The following SLC27A1 variants were observed in gnomAD, a reference collection of about 807,000 sequenced individuals.
SLC27A1 encodes the protein long-chain fatty acid transport protein 1.
In SLC27A1, 61 loss-of-function variants were observed where a neutral mutation model predicts 62.2. The ratio of observed to expected loss-of-function variants is 0.98; its 90% CI spans 0.80 to 1.21. The LOEUF (loss-of-function observed/expected upper bound fraction) is 1.21. SLC27A1 is among the 50% of genes most tolerant of loss of function. SLC27A1 has a pLI of 0.00. For synonymous variants in SLC27A1, 435 were observed against 408.6 expected, an observed-to-expected ratio of 1.06 and a Z score of -0.78; for missense variants, 903 against 932.1, an observed-to-expected ratio of 0.97 and a Z score of 0.41.
At chr19:17,484,870 TG>T (rs1423551836) in intron 1 of SLC27A1, among the ~76,000 whole-genome samples, 1 of 152,026 alleles carries the variant, frequency 6.6e-6, no homozygotes, top group Non-Finnish European at 1.5e-5. Flanking sequence ...ATCCAAAGGA[TG>T]GATTTGGTGA....
chr19:17,497,510 G>T (rs2075363455), intron 7 of SLC27A1, 46 bp downstream of exon 7: 1 of 1,513,890 alleles, frequency 6.6e-7, no homozygotes, highest in Non-Finnish European at 9.0e-7. Flanking sequence ...GTTCAGGGAA[G>T]ACCACTGTCT....
Position 17,487,168 on chromosome 19 carries a change from C to T in SLC27A1, c.563-6C>T, listed in dbSNP as rs763369343. 11 of 1,613,960 alleles carry T rather than the reference C, an allele frequency of 6.8e-6. No homozygotes were observed. The highest frequency in any genetic ancestry group is 8.5e-6 in the Non-Finnish European group (10 of 1,179,980). ...GTGACCATGACCCATGTGTTGGGGA[C>T]CACAGCGGTGGCCGAAGTGAGCGGG... On this transcript the variant is annotated splice_polypyrimidine_tract_variant and splice_region_variant and intron_variant, in intron 2 of 11. Coordinates refer to ENST00000252595, the MANE Select transcript of SLC27A1 (RefSeq NM_198580.3).
intron 10 of SLC27A1, 119 bp downstream of exon 10, chr19:17,500,995 GC>G: frequency 8.2e-7 from 1 of 1,219,864 alleles, no homozygotes; most frequent in Non-Finnish European, 1.1e-6. Flanking sequence ...GCTCATGGCA[GC>G]CCAGGAGGAA....
chr19:17,492,056 G>A (rs1454587909), intron 6 of SLC27A1, among the ~76,000 whole-genome samples: 1 of 152,064 alleles, frequency 6.6e-6, no homozygotes, highest in African/African-American at 2.4e-5. Context: ...GACGTGTCCT[G>A]TGCATTGTAG....
chr19:17,493,352 C>A (rs1285342825), intron 6 of SLC27A1, among the ~76,000 whole-genome samples: 1 of 129,608 alleles, frequency 7.7e-6, no homozygotes, highest in Non-Finnish European at 1.6e-5. Flanking sequence ...CGTTTGAACC[C>A]GGGAAGTGGA....
At chr19:17,488,728 T>TGAACTCATGC (rs1362899196) in intron 4 of SLC27A1, 120 bp from the exon 5 acceptor site, 3 of 796,854 alleles carry the variant, frequency 3.8e-6, no homozygotes, top group Non-Finnish European at 6.2e-6. Context: ...TGCCAGCCTG[T>TGAACTCATGC]GAACTCATGC....
chr19:17,481,429 G>A (rs1486522717), intron 1 of SLC27A1, among the ~76,000 whole-genome samples: 1 of 149,360 alleles, frequency 6.7e-6, no homozygotes, highest in Non-Finnish European at 1.5e-5. Flanking sequence ...TGATTCTCCT[G>A]CCTCAGCCTC....
chr19:17,474,467 C>T (rs867523549), intron 1 of SLC27A1, among the ~76,000 whole-genome samples: 12 of 152,062 alleles, frequency 7.9e-5, no homozygotes, highest in African/African-American at 2.9e-4. Flanking sequence ...TCCCATGGGC[C>T]CTGTGGGTGT....
intron 1 of SLC27A1, among the ~76,000 whole-genome samples, chr19:17,485,581 A>G (rs1379815334): frequency 6.6e-6 from 1 of 151,744 alleles, no homozygotes; most frequent in Non-Finnish European, 1.5e-5. Context: ...TGTAATTCCA[A>G]TACTTTGGGA....
Position 17,488,146 on chromosome 19 carries a change from G to A in SLC27A1, c.794+617G>A, listed in dbSNP as rs575025595. 2.0e-3 allele frequency among the ~76,000 whole-genome samples: 299 copies of A among 152,258 alleles called. 1 individual carries two copies. The highest frequency in any genetic ancestry group is 6.9e-3 in the African/African-American group (285 of 41,556). On this transcript the variant is annotated intron_variant, in intron 4 of 11. Coordinates refer to ENST00000252595, the MANE Select transcript of SLC27A1 (RefSeq NM_198580.3). ...GGCTGAGGCAGGCGGGTCACTTGAC[G>A]TCAGGAGTTCGAGACCGTCCTGGCC...
In SLC27A1 at chr19:17,505,077, A is replaced by G. The variant is rs548505089; in HGVS notation, c.*465A>G. The G allele has an allele frequency of 2.2e-5, 8 of 357,996 alleles. No homozygotes were observed. Among genetic ancestry groups the G allele is most frequent in the African/African-American group, 1.5e-4 (7 of 46,788 alleles). The allele number at this position is 357,996 out of a possible 1,614,324, so 22.2% of individuals were successfully genotyped here. A position where few individuals can be genotyped will look rare whatever the true frequency, so the allele number is the denominator to read the frequency against. On this transcript the variant is annotated 3_prime_UTR_variant, in exon 12 of 12. Coordinates refer to ENST00000252595, the MANE Select transcript of SLC27A1 (RefSeq NM_198580.3). ...TCCAGCTAATTTTTATATTTTTAGT[A>G]GAGACGGGGTTTCACCATGTTGGTC...
chr19:17,479,487 C>A (rs1568411622), intron 1 of SLC27A1, among the ~76,000 whole-genome samples: 1 of 152,196 alleles, frequency 6.6e-6, no homozygotes, highest in South Asian at 2.1e-4. Flanking sequence ...GGTCATCCCT[C>A]CCCTGCTTAG....
At chr19:17,502,268 T>C (rs2075422876) in intron 11 of SLC27A1, among the ~76,000 whole-genome samples, 2 of 151,578 alleles carry the variant, frequency 1.3e-5, no homozygotes, top group South Asian at 4.2e-4. Flanking sequence ...TCCCTTCTGC[T>C]GTTTTATTTT....
At chr19:17,493,509 C>T (rs2075317725) in intron 6 of SLC27A1, among the ~76,000 whole-genome samples, 1 of 149,674 alleles carries the variant, frequency 6.7e-6, no homozygotes, top group African/African-American at 2.5e-5. Context: ...CAAGAGCATA[C>T]ATTTATTTGG....
At position 17,487,513 on chromosome 19, in the gene SLC27A1, A is replaced by G. The variant is rs148002649; in HGVS notation, c.778A>G (p.Ile260Val). The G allele has an allele frequency of 2.5e-6, 4 of 1,610,126 alleles. No individual in the cohort carries two copies. Among genetic ancestry groups the G allele is most frequent in the Non-Finnish European group, 3.4e-6 (4 of 1,179,662 alleles). ...GACCACCGGGCTGCCCAAGGCTGCC[A>G]TTGTCGTGCACAGCAGGTGAGGGGC... ...SGTTGLPKAA[I>V]VVHSRYYRMA... The change falls in exon 4 of 12, where the codon ATT becomes GTT. Residue 260 changes from isoleucine (I) to valine (V), a missense_variant. Physicochemically the swap from Ile to Val is conservative, Grantham distance 29. Transcript: ENST00000252595.
intron 1 of SLC27A1, among the ~76,000 whole-genome samples, chr19:17,477,323 T>G (rs1480408419): frequency 1.4e-5 from 2 of 137,956 alleles, no homozygotes. Context: ...CTCAGCTCAC[T>G]GCAACCTCCA....
chr19:17,485,190 C>CTTT (rs1491446154), intron 1 of SLC27A1, among the ~76,000 whole-genome samples: 3 of 44,922 alleles, frequency 6.7e-5, no homozygotes, highest in African/African-American at 1.4e-4. Flanking sequence ...CTTTTTGTTT[C>CTTT]CTTTTTTTTT....
At chr19:17,490,299 G>T (rs192450832) in intron 6 of SLC27A1, among the ~76,000 whole-genome samples, 1 of 151,780 alleles carries the variant, frequency 6.6e-6, no homozygotes, top group Non-Finnish European at 1.5e-5. Flanking sequence ...CTACAGGTGC[G>T]CACCACCACG....
At chr19:17,480,835 A>G (rs906646814) in intron 1 of SLC27A1, among the ~76,000 whole-genome samples, 1 of 151,626 alleles carries the variant, frequency 6.6e-6, no homozygotes, top group Non-Finnish European at 1.5e-5. Context: ...GCTGCCCCTT[A>G]TGGAGTTCCC....
Sources: allele counts gnomAD v4.1 joint callset (sites outside exome capture counted in the v4.1 genomes callset), GRCh38; gene constraint gnomAD v4.1.1; transcripts MANE v1.5; gene names NCBI Gene and HGNC (gene_info 2026-07-23, HGNC 2026-07-21).